The following EXD2 variants were observed in gnomAD, a reference collection of about 807,000 sequenced individuals.
EXD2 encodes exonuclease 3'-5' domain containing 2, also known as exonuclease 3'-5' domain-containing protein 2.
EXD2 carries 40 observed loss-of-function variants against 62.5 expected under a neutral mutation model. The ratio of observed to expected loss-of-function variants is 0.64; its 90% CI spans 0.50 to 0.83. EXD2 has a LOEUF of 0.83. Among genes scored for constraint, EXD2 ranks in the 40% least tolerant of loss-of-function variants. EXD2 has a pLI of 0.00. For synonymous variants in EXD2, 239 were observed against 291.9 expected, an observed-to-expected ratio of 0.82 and a Z score of 1.85; for missense variants, 671 against 761.8, an observed-to-expected ratio of 0.88 and a Z score of 1.40.
chr14:69,201,685 T>G (rs992615206), intron 1 of EXD2, among the ~76,000 whole-genome samples: 18 of 135,358 alleles, frequency 1.3e-4, no homozygotes, highest in African/African-American at 4.9e-4. Context: ...TTTTTTTTTT[T>G]TTTTTTTTTT....
chr14:69,224,632 A>T lies in EXD2; in HGVS notation c.334-4184A>T, dbSNP rs185573674. Among the ~76,000 whole-genome samples the T allele has an allele frequency of 5.5e-3, 831 of 152,256 alleles. 3 individuals are homozygous for T. Among genetic ancestry groups the T allele is most frequent in the Non-Finnish European group, 9.5e-3 (643 of 68,032 alleles). On this transcript the variant is annotated intron_variant, in intron 3 of 9. Coordinates refer to ENST00000685843, the MANE Select transcript of EXD2 (RefSeq NM_001193360.2). The stretch of plus-strand genomic sequence containing the variant: ...ATGCAGTCACCAAAATATTTTTTTT[A>T]AATGCAAATTAGATTGTGTCAGTCC...
rs140122504 is a variant in EXD2 at position 69,227,002 on chromosome 14, T to C, written c.334-1814T>C. Among the ~76,000 whole-genome samples the C allele has an allele frequency of 1.4e-3, 214 of 152,240 alleles. 1 individual carries two copies. Among genetic ancestry groups the C allele is most frequent in the African/African-American group, 5.0e-3 (209 of 41,530 alleles). ...TTATAAATTCCTTAAATCAGCACGC[T>C]CTCTTCCATTACTTTGTATGCAACT... On this transcript the variant is annotated intron_variant, in intron 3 of 9. Coordinates refer to ENST00000685843, the MANE Select transcript of EXD2 (RefSeq NM_001193360.2).
At position 69,241,655 on chromosome 14, in the gene EXD2, G is replaced by T; in HGVS notation, c.*555G>T. On this transcript the variant is annotated 3_prime_UTR_variant, in exon 10 of 10. Coordinates refer to ENST00000685843, the MANE Select transcript of EXD2 (RefSeq NM_001193360.2). Reference sequence around the variant, plus strand: ...ATGTGGTTGGGATCCATCCCATCTGGGTCACTTCAGTCTACTTCACGTACT... The same window carrying T: ...ATGTGGTTGGGATCCATCCCATCTGTGTCACTTCAGTCTACTTCACGTACT... The T allele has an allele frequency of 2.6e-6, 1 of 390,914 alleles. No homozygotes were observed. The highest frequency in any genetic ancestry group is 4.4e-5 in the Admixed American group (1 of 22,670). 24.2% of individuals were successfully genotyped at this position (390,914 alleles called of 1,614,324 possible).
chr14:69,214,663 G>C (rs1178567485), intron 3 of EXD2, among the ~76,000 whole-genome samples: 2 of 152,126 alleles, frequency 1.3e-5, no homozygotes, highest in African/African-American at 4.8e-5. Flanking sequence ...GTGTCCACTT[G>C]AAATCATTGT....
intron 6 of EXD2, chr14:69,235,733 A>G: frequency 2.7e-6 from 1 of 370,770 alleles, no homozygotes; most frequent in Non-Finnish European, 5.0e-6. Flanking sequence ...GTGATTTGGC[A>G]GTTTTCTTGT....
chr14:69,213,054 G>T (rs10141579), intron 3 of EXD2, among the ~76,000 whole-genome samples: 1 of 148,688 alleles, frequency 6.7e-6, no homozygotes, highest in Admixed American at 6.7e-5. Flanking sequence ...ATTTACCAAA[G>T]TGTTTACCTT....
intron 1 of EXD2, among the ~76,000 whole-genome samples, chr14:69,195,655 C>A (rs1175189837): frequency 6.6e-6 from 1 of 152,114 alleles, no homozygotes; most frequent in Non-Finnish European, 1.5e-5. Context: ...GAAACCCATA[C>A]CAATTAGAAG....
intron 1 of EXD2, among the ~76,000 whole-genome samples, chr14:69,201,657 G>A (rs2042401678): frequency 1.4e-5 from 2 of 142,308 alleles, no homozygotes; most frequent in Admixed American, 1.4e-4. Flanking sequence ...GTCTCTCTCA[G>A]CAAGTGTTTT....
At chr14:69,211,849 A>G (rs915198989) in intron 3 of EXD2, among the ~76,000 whole-genome samples, 1 of 152,190 alleles carries the variant, frequency 6.6e-6, no homozygotes, top group Non-Finnish European at 1.5e-5. Context: ...AATTGATCTG[A>G]TAATAATACA....
rs1254900826 is a variant in EXD2 at position 69,209,712 on chromosome 14, C to T, written c.242C>T (p.Thr81Met). Residue 81 changes from threonine to methionine, a missense_variant, in exon 3 of 10, where the codon ACG becomes ATG. By Grantham distance (81) the Thr-to-Met change is moderately conservative. Coordinates refer to ENST00000685843, the MANE Select transcript of EXD2 (RefSeq NM_001193360.2). ...KERILKAKVV[T>M]VSQEAEWDQI... ...CGGATCCTTAAAGCAAAGGTGGTGA[C>T]GGTGTCTCAGGAGGCAGAGTGGGAT... 9 of 1,549,540 alleles carry T rather than the reference C, an allele frequency of 5.8e-6. No individual in the cohort carries two copies. Among genetic ancestry groups the T allele is most frequent in the African/African-American group, 1.4e-5 (1 of 72,706 alleles).
chr14:69,221,120 C>A (rs914631969), intron 3 of EXD2, among the ~76,000 whole-genome samples: 2 of 152,168 alleles, frequency 1.3e-5, no homozygotes, highest in African/African-American at 4.8e-5. Flanking sequence ...CCTTCTGCCT[C>A]AGCCTCCCAA....
chr14:69,195,071 G>A (rs938128968), intron 1 of EXD2, among the ~76,000 whole-genome samples: 100 of 152,282 alleles, frequency 6.6e-4, no homozygotes, highest in African/African-American at 2.2e-3. Context: ...ACAAAAATTA[G>A]CCGGGCGTGA....
intron 3 of EXD2, among the ~76,000 whole-genome samples, chr14:69,212,494 T>C (rs2140244668): frequency 6.6e-6 from 1 of 152,000 alleles, no homozygotes; most frequent in East Asian, 1.9e-4. Flanking sequence ...GTTTATTCGA[T>C]TATTATTTTT....
chr14:69,229,058 A>G lies in EXD2; in HGVS notation c.576A>G (p.Leu192=). The G allele has an allele frequency of 6.2e-7, 1 of 1,614,168 alleles. No homozygotes were observed. The highest frequency in any genetic ancestry group is 8.5e-7 in the Non-Finnish European group (1 of 1,180,018). The change falls in exon 4 of 10, where the codon CTA becomes CTG. Residue 192 remains leucine, a synonymous_variant. Transcript: ENST00000685843. ...GGGGGTGCCTGGACCTCCGATACCTAGCCATGCGGCAGAGGTGTGGTTTGT... is the reference window on the plus strand; with the variant it reads ...GGGGGTGCCTGGACCTCCGATACCTGGCCATGCGGCAGAGGTGTGGTTTGT... ...VVRGCLDLRY[L]AMRQRNNLLC... is the part of the protein sequence containing the mutation.
intron 8 of EXD2, among the ~76,000 whole-genome samples, chr14:69,237,213 T>C (rs1422047480): frequency 1.3e-5 from 2 of 152,234 alleles, no homozygotes; most frequent in Non-Finnish European, 2.9e-5. Flanking sequence ...CTAGGCCTTC[T>C]TGAGAGAGTT....
chr14:69,223,138 C>CCGTG (rs2043241828), intron 3 of EXD2, among the ~76,000 whole-genome samples: 1 of 152,170 alleles, frequency 6.6e-6, no homozygotes, highest in South Asian at 2.1e-4. Flanking sequence ...GCAGATGGAT[C>CCGTG]CGTGGGCCAC....
At chr14:69,229,741 A>G (rs1273832610) in intron 4 of EXD2, among the ~76,000 whole-genome samples, 4 of 152,188 alleles carry the variant, frequency 2.6e-5, no homozygotes, top group Non-Finnish European at 1.5e-5. Flanking sequence ...TTACCTCCTC[A>G]TGTTTATGTA....
intron 1 of EXD2, among the ~76,000 whole-genome samples, chr14:69,202,045 CT>C (rs1004511978): frequency 6.6e-6 from 1 of 152,114 alleles, no homozygotes; most frequent in African/African-American, 2.4e-5. Context: ...AATCCTAGCA[CT>C]TTGGGAGGTT....
intron 3 of EXD2, among the ~76,000 whole-genome samples, chr14:69,226,523 G>A (rs764301776): frequency 2.0e-5 from 3 of 152,160 alleles, no homozygotes; most frequent in Non-Finnish European, 4.4e-5. Context: ...TGAGATGGGC[G>A]GATCATTTGA....
Sources: gnomAD v4.1 joint callset for allele counts (sites outside exome capture counted in the v4.1 genomes callset) on GRCh38, gnomAD v4.1.1 for gene constraint, MANE v1.5 for transcripts, NCBI Gene and HGNC (gene_info 2026-07-23, HGNC 2026-07-21) for gene names.